The following SCARA5 variants were observed in gnomAD, a reference collection of about 807,000 sequenced individuals.
SCARA5 encodes the protein scavenger receptor class A, member 5 (putative).
Under a neutral mutation model 46.3 loss-of-function variants are expected in SCARA5, and 45 were observed. That is an observed-to-expected ratio of 0.97 (90% confidence interval 0.76 to 1.24). The LOEUF (loss-of-function observed/expected upper bound fraction) is 1.24, where lower values mean the gene tolerates loss of function less well. SCARA5 is among the 50% of genes most tolerant of loss of function. SCARA5 has a pLI of 0.00. For missense variants in SCARA5, 680 were observed against 689.0 expected (o/e 0.99, Z 0.15); for synonymous variants, 333 against 306.5 (o/e 1.09, Z -0.90).
intron 7 of SCARA5, among the ~76,000 whole-genome samples, chr8:27,902,815 C>A (rs1807179404): frequency 6.6e-6 from 1 of 152,070 alleles, no homozygotes; most frequent in African/African-American, 2.4e-5. Context: ...TAGATGGCCT[C>A]ATTCAGTCAG....
At chr8:27,946,217 C>T (rs947636415) in intron 3 of SCARA5, among the ~76,000 whole-genome samples, 2 of 152,190 alleles carry the variant, frequency 1.3e-5, no homozygotes, top group South Asian at 2.1e-4. Flanking sequence ...AAAATGACAA[C>T]CATGAAGTCT....
chr8:27,917,152 C>T (rs1807475567), intron 4 of SCARA5, among the ~76,000 whole-genome samples: 1 of 152,206 alleles, frequency 6.6e-6, no homozygotes, highest in Non-Finnish European at 1.5e-5. Flanking sequence ...CAGTCTATGG[C>T]ATTTTGTTAT....
chr8:27,922,009 C>T lies in SCARA5; in HGVS notation c.478G>A (p.Ala160Thr). The change falls in exon 4 of 9, where the codon GCG (alanine) becomes ACG (threonine). Residue 160 changes from alanine (A) to threonine (T), a missense_variant. Ala to Thr is a moderately conservative substitution (Grantham distance 58). This residue lies in a region of SCARA5 where 438 missense variants were observed against 384.5 expected (regional missense o/e 1.14). Coordinates refer to ENST00000354914, the MANE Select transcript of SCARA5 (RefSeq NM_173833.6). ...EGALWGLQAQAVQTEQAVALL... is the reference protein window; with the variant it reads ...EGALWGLQAQTVQTEQAVALL... ...GCCACCGCCTGCTCGGTCTGCACCGCCTGCGCCTGCAGCCCCCACAGCGCG... is the reference window on the plus strand; with the variant it reads ...GCCACCGCCTGCTCGGTCTGCACCGTCTGCGCCTGCAGCCCCCACAGCGCG... 2 of 1,568,542 alleles carry T rather than the reference C, an allele frequency of 1.3e-6. No individual in the cohort carries two copies. The highest frequency in any genetic ancestry group is 1.7e-6 in the Non-Finnish European group (2 of 1,164,798).
intron 3 of SCARA5, among the ~76,000 whole-genome samples, chr8:27,942,455 G>A (rs2685303): frequency 0.3 from 46,055 of 152,094 alleles, 7,404 homozygotes; most frequent in East Asian, 0.37. Context: ...TAGGAAAGCT[G>A]CCCATTGCTT....
At chr8:27,985,222 G>C in intron 2 of SCARA5, among the ~76,000 whole-genome samples, 1 of 152,164 alleles carries the variant, frequency 6.6e-6, no homozygotes, top group Non-Finnish European at 1.5e-5. Flanking sequence ...AAGGGGGATG[G>C]AAACTCAGGC....
intron 3 of SCARA5, among the ~76,000 whole-genome samples, chr8:27,938,872 T>TTA (rs574346226): frequency 2.7e-3 from 404 of 151,832 alleles, no homozygotes; most frequent in Non-Finnish European, 3.3e-3. Context: ...AACTGACCAT[T>TTA]TATATATATA....
intron 2 of SCARA5, among the ~76,000 whole-genome samples, chr8:27,967,466 G>GCA: frequency 6.6e-6 from 1 of 151,520 alleles, no homozygotes; most frequent in Non-Finnish European, 1.5e-5. Context: ...GGAAAGAAGG[G>GCA]ATCCTCTCCC....
intron 4 of SCARA5, among the ~76,000 whole-genome samples, chr8:27,911,706 GAAGA>G (rs919833070): frequency 1.3e-5 from 2 of 151,914 alleles, no homozygotes; most frequent in Non-Finnish European, 2.9e-5. Context: ...AAAAAAGAAA[GAAGA>G]AAGAAAAGAA....
chr8:27,879,553 C>G lies in SCARA5; in HGVS notation c.1351+16G>C. The G allele has an allele frequency of 1.2e-6, 2 of 1,601,142 alleles. No individual in the cohort carries two copies. The highest frequency in any genetic ancestry group is 1.7e-6 in the Non-Finnish European group (2 of 1,178,692). The stretch of plus-strand genomic sequence containing the variant: ...CAGGCCCTCTCCTCATGTTTTTTGC[C>G]CTCAGAGCGCCTTACCTTGCCCGAA... On this transcript the variant is annotated intron_variant, in intron 8 of 8. Transcript: ENST00000354914.
intron 3 of SCARA5, among the ~76,000 whole-genome samples, chr8:27,925,381 A>C (rs1439620405): frequency 2.0e-5 from 3 of 152,248 alleles, no homozygotes; most frequent in African/African-American, 7.2e-5. Flanking sequence ...AAAACAAGAA[A>C]TGGGGAAAGG....
chr8:27,898,194 C>T (rs1055425419), intron 7 of SCARA5, among the ~76,000 whole-genome samples: 1 of 152,244 alleles, frequency 6.6e-6, no homozygotes, highest in South Asian at 2.1e-4. Flanking sequence ...GTATGTGAAG[C>T]CATCAAACCA....
chr8:27,964,652 G>C (rs948200806), intron 3 of SCARA5, among the ~76,000 whole-genome samples: 6 of 151,952 alleles, frequency 3.9e-5, no homozygotes, highest in Non-Finnish European at 8.8e-5. Context: ...CTGCCTTCTG[G>C]GGTCACATAG....
chr8:27,957,563 C>A (rs574163738), intron 3 of SCARA5, among the ~76,000 whole-genome samples: 2 of 152,330 alleles, frequency 1.3e-5, no homozygotes, highest in Admixed American at 6.5e-5. Flanking sequence ...GACTCCGGTG[C>A]CATGCACTTC....
Position 27,909,591 on chromosome 8 carries a change from C to T in SCARA5, c.997+72G>A, listed in dbSNP as rs902812080. ...CCCCTGGGGAGCCCTGGCATTTATA[C>T]CATCAAGAAAGTAGCGGGTAGAGAT... On this transcript the variant is annotated intron_variant, in intron 5 of 8. Transcript: ENST00000354914. 3.6e-6 allele frequency: 4 copies of T among 1,099,732 alleles called. No individual in the cohort carries two copies. In the Admixed American group the frequency reaches 6.2e-5, roughly 17 times the overall value. The allele number at this position is 1,099,732 out of a possible 1,614,324, so 68.1% of individuals were successfully genotyped here.
chr8:27,876,079 G>A (rs138994419), intron 8 of SCARA5, among the ~76,000 whole-genome samples: 40 of 152,304 alleles, frequency 2.6e-4, no homozygotes, highest in South Asian at 1.4e-3. Flanking sequence ...TGGTGGCCGT[G>A]AGGAGTGACT....
intron 3 of SCARA5, among the ~76,000 whole-genome samples, chr8:27,961,681 G>GC (rs1808296711): frequency 6.6e-6 from 1 of 152,120 alleles, no homozygotes; most frequent in Non-Finnish European, 1.5e-5. Flanking sequence ...GTCCCTACTT[G>GC]TAACCAGCGT....
intron 2 of SCARA5, among the ~76,000 whole-genome samples, chr8:27,985,713 C>G (rs1398612697): frequency 6.6e-6 from 1 of 152,156 alleles, no homozygotes; most frequent in Non-Finnish European, 1.5e-5. Flanking sequence ...GCCCAGGAGG[C>G]ACGAATCAGC....
intron 2 of SCARA5, among the ~76,000 whole-genome samples, chr8:27,984,648 C>A (rs987177032): frequency 4.0e-5 from 6 of 151,760 alleles, no homozygotes; most frequent in Admixed American, 1.3e-4. Flanking sequence ...ATTCACCCAT[C>A]CATTCATTCA....
intron 3 of SCARA5, among the ~76,000 whole-genome samples, chr8:27,926,421 G>A (rs1054281085): frequency 6.6e-6 from 1 of 151,952 alleles, no homozygotes; most frequent in African/African-American, 2.4e-5. Flanking sequence ...CACAGTGCAG[G>A]GAACATCACA....
Sources: allele counts gnomAD v4.1 joint callset (sites outside exome capture counted in the v4.1 genomes callset), GRCh38; gene constraint gnomAD v4.1.1; regional missense constraint gnomAD v4.1.1; transcripts MANE v1.5; gene names NCBI Gene and HGNC (gene_info 2026-07-23, HGNC 2026-07-21).